USP31: variants seen among roughly 807,000 people sequenced by gnomAD.
USP31 encodes ubiquitin specific peptidase 31, also known as ubiquitin carboxyl-terminal hydrolase 31.
Under a neutral mutation model 119.4 loss-of-function variants are expected in USP31, and 44 were observed. That is an observed-to-expected ratio of 0.37 (90% confidence interval 0.29 to 0.47). The LOEUF (loss-of-function observed/expected upper bound fraction) is 0.47. Ranked by LOEUF, USP31 falls within the 20% of genes least tolerant of loss-of-function variation. The probability of loss-of-function intolerance (pLI) is 0.99; values close to 1 mark genes in which losing one functional copy is unlikely to be tolerated. For synonymous variants in USP31, 749 were observed against 705.6 expected (o/e 1.06, Z -0.97); for missense variants, 1,643 against 1,730.2 (o/e 0.95, Z 0.89).
chr16:23,084,554 A>C (rs558244460), intron 11 of USP31, among the ~76,000 whole-genome samples: 1 of 152,328 alleles, frequency 6.6e-6, no homozygotes, highest in Non-Finnish European at 1.5e-5. Flanking sequence ...TAAGTTACTA[A>C]GGAAAAGATC....
Position 23,082,576 on chromosome 16 carries a change from C to T in USP31, c.1831-19G>A, listed in dbSNP as rs774448195. ...GGGCAAGCTGAAAACAGAAGCATGA[C>T]TCCCGTTAAGTGCCACTTAATGCAA... On this transcript the variant is annotated intron_variant, in intron 11 of 15. Transcript: ENST00000219689. 5.6e-6 allele frequency: 9 copies of T among 1,613,574 alleles called. No individual in the cohort carries two copies. The highest frequency in any genetic ancestry group is 7.6e-6 in the Non-Finnish European group (9 of 1,179,998).
chr16:23,103,781 G>C (rs576263370), intron 5 of USP31, among the ~76,000 whole-genome samples: 1 of 152,216 alleles, frequency 6.6e-6, no homozygotes, highest in South Asian at 2.1e-4. Context: ...TGGGTGTGGT[G>C]GCATGCGCCT....
chr16:23,085,017 A>C, intron 10 of USP31, 28 bp from the exon 11 acceptor site: 1 of 1,611,556 alleles, frequency 6.2e-7, no homozygotes, highest in East Asian at 2.2e-5. Context: ...AGCATCTATC[A>C]GGGAATGTCT....
chr16:23,110,046 C>G (rs1315731739), intron 1 of USP31, among the ~76,000 whole-genome samples: 1 of 152,096 alleles, frequency 6.6e-6, no homozygotes, highest in African/African-American at 2.4e-5. Flanking sequence ...CAAATTTAAT[C>G]AATAGTAATG....
At chr16:23,120,311 G>C (rs1165775159) in intron 1 of USP31, among the ~76,000 whole-genome samples, 1 of 152,128 alleles carries the variant, frequency 6.6e-6, no homozygotes, top group Non-Finnish European at 1.5e-5. Flanking sequence ...ATATATTCCT[G>C]TCATGAAACA....
intron 1 of USP31, among the ~76,000 whole-genome samples, chr16:23,132,361 G>A (rs1300525176): frequency 1.3e-5 from 2 of 149,758 alleles, no homozygotes; most frequent in African/African-American, 4.9e-5. Flanking sequence ...GAAACTATGA[G>A]GTCATTGTTT....
In USP31 at chr16:23,114,015, G is replaced by C. The variant is rs139262661; in HGVS notation, c.634-5832C>G. On this transcript the variant is annotated intron_variant, in intron 1 of 15. Coordinates refer to ENST00000219689, the MANE Select transcript of USP31 (RefSeq NM_020718.4). ...AGCTATTTAGGCGACTGAGGCAGGA[G>C]AGTTGCTTGAACCTGGGAGGTGGAG... Among the ~76,000 whole-genome samples, 45 of 152,186 alleles carry C rather than the reference G, an allele frequency of 3.0e-4. 1 individual carries two copies. Among genetic ancestry groups the C allele is most frequent in the South Asian group, 8.3e-4 (4 of 4,822 alleles).
At chr16:23,083,783 G>A (rs1396425660) in intron 11 of USP31, among the ~76,000 whole-genome samples, 2 of 151,548 alleles carry the variant, frequency 1.3e-5, no homozygotes, top group African/African-American at 2.4e-5. Flanking sequence ...ACAGTGTGGG[G>A]GAGAGAAGAC....
chr16:23,101,104 C>T (rs549201022), intron 6 of USP31, among the ~76,000 whole-genome samples: 21 of 152,194 alleles, frequency 1.4e-4, no homozygotes, highest in African/African-American at 4.8e-4. Context: ...ATGATCAGAA[C>T]TGTGTATTAG....
At position 23,149,151 on chromosome 16, in the gene USP31, GC is replaced by G. The variant is rs1262574710; in HGVS notation, c.119del (p.Gly40AlafsTer26). On this transcript the variant is annotated frameshift_variant, in exon 1 of 16. Transcript: ENST00000219689. LOFTEE classifies it high-confidence loss of function. ...SGRAGGGGAG[G>X]PGASGPAAPS... ...GCGCGGCCGGCCCGGACGCCCCGGG[GC>G]CCCCCGCGCCGCCGCCGCCAGCGCG... 6.8e-6 allele frequency: 8 copies of G among 1,176,282 alleles called. No homozygotes were observed. Among genetic ancestry groups the G allele is most frequent in the Admixed American group, 4.8e-5 (1 of 20,626 alleles). The allele number at this position is 1,176,282 out of a possible 1,614,324, so 72.9% of individuals were successfully genotyped here.
At chr16:23,120,030 A>G (rs1001159569) in intron 1 of USP31, among the ~76,000 whole-genome samples, 2 of 152,180 alleles carry the variant, frequency 1.3e-5, no homozygotes, top group Non-Finnish European at 2.9e-5. Context: ...GGTCACCAAA[A>G]TGTATTTAAC....
intron 1 of USP31, among the ~76,000 whole-genome samples, chr16:23,119,840 A>G (rs1416838750): frequency 1.3e-5 from 2 of 152,172 alleles, no homozygotes; most frequent in Non-Finnish European, 2.9e-5. Flanking sequence ...AACACACCAG[A>G]GACAAAGATC....
intron 7 of USP31, among the ~76,000 whole-genome samples, chr16:23,089,397 AGTCG>A (rs1389134870): frequency 6.6e-6 from 1 of 152,162 alleles, no homozygotes; most frequent in Admixed American, 6.5e-5. Context: ...GCTTGTTCAT[AGTCG>A]GTCTGTCCTA....
intron 1 of USP31, among the ~76,000 whole-genome samples, chr16:23,120,551 G>A (rs1395510070): frequency 6.6e-6 from 1 of 152,202 alleles, no homozygotes; most frequent in Non-Finnish European, 1.5e-5. Flanking sequence ...ATTAGAGAGA[G>A]AAAAAGAATG....
intron 6 of USP31, among the ~76,000 whole-genome samples, chr16:23,093,204 A>G (rs1308878070): frequency 1.3e-5 from 2 of 152,216 alleles, no homozygotes; most frequent in African/African-American, 4.8e-5. Flanking sequence ...GAACTTTTGT[A>G]CGTCAAAGAA....
chr16:23,107,849 G>A (rs541923328), intron 2 of USP31, among the ~76,000 whole-genome samples, 197 bp downstream of exon 2: 65 of 152,146 alleles, frequency 4.3e-4, no homozygotes, highest in Middle Eastern at 6.8e-3. Flanking sequence ...AATTCCTTGC[G>A]GACAACAGCT....
intron 10 of USP31, 89 bp downstream of exon 10, chr16:23,085,495 TG>T: frequency 8.6e-7 from 1 of 1,158,544 alleles, no homozygotes; most frequent in Non-Finnish European, 1.3e-6. Context: ...GAGAGATTTG[TG>T]TTTCAGCTCA....
intron 1 of USP31, among the ~76,000 whole-genome samples, chr16:23,133,833 T>C (rs1266259929): frequency 6.6e-6 from 1 of 152,194 alleles, no homozygotes; most frequent in Non-Finnish European, 1.5e-5. Context: ...CTCAGCGCTT[T>C]GGGAGGAAGA....
intron 6 of USP31, among the ~76,000 whole-genome samples, chr16:23,100,494 C>T (rs1053791671): frequency 6.6e-6 from 1 of 152,032 alleles, no homozygotes; most frequent in Non-Finnish European, 1.5e-5. Flanking sequence ...AATAGTGGGC[C>T]GGGTGTGGTG....
Sources: allele counts gnomAD v4.1 joint callset (sites outside exome capture counted in the v4.1 genomes callset), GRCh38; gene constraint gnomAD v4.1.1; transcripts MANE v1.5; gene names NCBI Gene and HGNC (gene_info 2026-07-23, HGNC 2026-07-21).